Variants in SERINC5 observed in about 807,000 individuals in gnomAD.
SERINC5 encodes the protein serine incorporator 5, also known as chromosome 5 open reading frame 12.
SERINC5 carries 41 observed loss-of-function variants against 63.1 expected under a neutral mutation model. The ratio of observed to expected loss-of-function variants is 0.65; its 90% confidence interval spans 0.51 to 0.84. SERINC5 has a LOEUF of 0.84. SERINC5 is among the 40% of genes least tolerant of loss of function. SERINC5 has a pLI of 0.00. For missense variants in SERINC5, 523 were observed against 573.0 expected, an observed-to-expected ratio of 0.91 and a Z score of 0.89; for synonymous variants, 222 against 215.2, an observed-to-expected ratio of 1.03 and a Z score of -0.28.
chr5:80,243,742 T>TA (rs1219877212), intron 1 of SERINC5, among the ~76,000 whole-genome samples: 1 of 103,886 alleles, frequency 9.6e-6, no homozygotes, highest in Non-Finnish European at 2.0e-5. Flanking sequence ...CCTGTCTCTA[T>TA]TTAAATAAAT....
intron 1 of SERINC5, among the ~76,000 whole-genome samples, chr5:80,218,861 A>C (rs1469150791): frequency 1.3e-5 from 2 of 152,110 alleles, no homozygotes; most frequent in East Asian, 3.9e-4. Context: ...TCACTGCTCA[A>C]AAGAACACCT....
chr5:80,133,926 C>G (rs1170118445), downstream of SERINC5, among the ~76,000 whole-genome samples: 2 of 152,138 alleles, frequency 1.3e-5, no homozygotes, highest in African/African-American at 4.8e-5. Flanking sequence ...TGAGTCAGTT[C>G]CTGGGTGGGG....
chr5:80,121,903 G>A (rs1034827003), intron 11 of SERINC5, among the ~76,000 whole-genome samples: 5 of 151,932 alleles, frequency 3.3e-5, no homozygotes, highest in African/African-American at 1.2e-4. Flanking sequence ...AACCATTCAT[G>A]AGGGATCTGC....
At chr5:80,180,450 TCTGTGGCTATC>T (rs1187058588) in intron 2 of SERINC5, among the ~76,000 whole-genome samples, 1 of 152,188 alleles carries the variant, frequency 6.6e-6, no homozygotes, top group East Asian at 1.9e-4. Context: ...AACAATAATA[TCTGTGGCTATC>T]ACGATTTCCA....
At chr5:80,118,782 C>T (rs541049514) in intron 11 of SERINC5, among the ~76,000 whole-genome samples, 109 of 140,404 alleles carry the variant, frequency 7.8e-4, no homozygotes, top group African/African-American at 2.9e-3. Flanking sequence ...AGGCTGGTCT[C>T]GCACTCCTGG....
intron 2 of SERINC5, among the ~76,000 whole-genome samples, chr5:80,197,366 C>T (rs113528883): frequency 0.05 from 4,388 of 87,118 alleles, 245 homozygotes; most frequent in African/African-American, 0.17. Context: ...AGAGAGAGAA[C>T]GGACCAGACA....
chr5:80,148,189 C>CTTTTTTTTTTTTTTTTTT (rs796769914), intron 9 of SERINC5, among the ~76,000 whole-genome samples: 24 of 102,330 alleles, frequency 2.3e-4, no homozygotes, highest in Non-Finnish European at 3.1e-4. Context: ...ATTTTTTATT[C>CTTTTTTTTTTTTTTTTTT]TTTTTTTTTT....
rs1491362453 is a variant in SERINC5, at chr5:80,251,289, TGC to T, written c.27+4605_27+4606del. Reference sequence around the variant, plus strand: ...TAGATCCCATCTTTAAATACATACATGCATACATACATACATACATACATACA... The same window carrying T: ...TAGATCCCATCTTTAAATACATACATATACATACATACATACATACATACA... On this transcript the variant is annotated intron_variant, in intron 1 of 11. Transcript: ENST00000507668. Among the ~76,000 whole-genome samples, 256 of 34,986 alleles carry T rather than the reference TGC, an allele frequency of 7.3e-3. No homozygotes were observed. The African/African-American group carries it at 0.11, about 16-fold the overall frequency. The allele number at this position is 34,986 out of a possible 152,430, so 23.0% of individuals were successfully genotyped here.
chr5:80,155,598 G>C (rs1249792841), intron 8 of SERINC5, among the ~76,000 whole-genome samples: 1 of 146,128 alleles, frequency 6.8e-6, no homozygotes, highest in African/African-American at 2.7e-5. Flanking sequence ...GAAAGAAGGA[G>C]AGAGAGAGAG....
intron 10 of SERINC5, 43 bp from the exon 11 acceptor site, chr5:80,146,277 T>C (rs1387273478): frequency 6.2e-7 from 1 of 1,607,028 alleles, no homozygotes; most frequent in Non-Finnish European, 8.5e-7. Context: ...AGTGAATGTG[T>C]GTGTTTACCA....
At chr5:80,218,673 C>CA (rs772735653) in intron 1 of SERINC5, among the ~76,000 whole-genome samples, 7,333 of 99,030 alleles carry the variant, frequency 0.074, 200 homozygotes, top group Middle Eastern at 0.089. Context: ...GACTCTGTCT[C>CA]AAAAAAAAAA....
chr5:80,130,780 C>G (rs1744916025), intron 11 of SERINC5, among the ~76,000 whole-genome samples: 1 of 152,140 alleles, frequency 6.6e-6, no homozygotes, highest in Non-Finnish European at 1.5e-5. Context: ...TCCATTTGTT[C>G]ATTTATTCAT....
At chr5:80,167,536 C>T (rs1228842520) in intron 6 of SERINC5, among the ~76,000 whole-genome samples, 8 of 152,096 alleles carry the variant, frequency 5.3e-5, no homozygotes, top group Non-Finnish European at 7.4e-5. Context: ...ATTGTGAATG[C>T]CTGTGTCTTT....
chr5:80,124,505 T>G (rs1353971404), intron 11 of SERINC5, among the ~76,000 whole-genome samples: 1 of 152,170 alleles, frequency 6.6e-6, no homozygotes, highest in Non-Finnish European at 1.5e-5. Flanking sequence ...TCCTTGTTTT[T>G]CAGGGAGATT....
chr5:80,113,216 G>A (rs1195724654), intron 12 of SERINC5, among the ~76,000 whole-genome samples: 3 of 152,124 alleles, frequency 2.0e-5, no homozygotes, highest in Admixed American at 2.0e-4. Context: ...GATAGATGTT[G>A]TTGAATTGTT....
chr5:80,196,241 C>A (rs1277445513), intron 2 of SERINC5, among the ~76,000 whole-genome samples: 1 of 152,114 alleles, frequency 6.6e-6, no homozygotes. Flanking sequence ...AATGAACAAG[C>A]TGCCCCAGGG....
At chr5:80,243,893 C>G (rs1391858006) in intron 1 of SERINC5, among the ~76,000 whole-genome samples, 2 of 151,972 alleles carry the variant, frequency 1.3e-5, no homozygotes, top group African/African-American at 4.8e-5. Context: ...ATTCCACAAA[C>G]TTTCATAGAA....
At chr5:80,172,508 A>C (rs1747734078) in intron 5 of SERINC5, among the ~76,000 whole-genome samples, 1 of 152,234 alleles carries the variant, frequency 6.6e-6, no homozygotes, top group Non-Finnish European at 1.5e-5. Flanking sequence ...AAAACTGGAA[A>C]GTGTTCAAGC....
chr5:80,186,923 A>T (rs1179666847), intron 2 of SERINC5, among the ~76,000 whole-genome samples: 1 of 152,070 alleles, frequency 6.6e-6, no homozygotes, highest in African/African-American at 2.4e-5. Context: ...GGGGAGGCCA[A>T]GGCGGGCGGA....
Sources: gnomAD v4.1 joint callset for allele counts (sites outside exome capture counted in the v4.1 genomes callset) on GRCh38, gnomAD v4.1.1 for gene constraint, MANE v1.5 for transcripts, NCBI Gene and HGNC (gene_info 2026-07-23, HGNC 2026-07-21) for gene names.